NAALADL2: variants seen among roughly 807,000 people sequenced by gnomAD.
NAALADL2 encodes the protein inactive N-acetylated-alpha-linked acidic dipeptidase-like protein 2.
A neutral mutation model predicts 87.2 loss-of-function variants in NAALADL2; 76 were observed. The observed-to-expected ratio is 0.87, with a 90% CI of 0.72 to 1.05. NAALADL2 has a LOEUF of 1.05. NAALADL2 is among the 50% of genes least tolerant of loss of function. The pLI, the probability that NAALADL2 is intolerant of heterozygous loss-of-function variation, is 0.00. For synonymous variants in NAALADL2, 354 were observed against 331.0 expected, an observed-to-expected ratio of 1.07 and a Z score of -0.75; for missense variants, 1,089 against 945.8, an observed-to-expected ratio of 1.15 and a Z score of -1.99.
intron 1 of NAALADL2, among the ~76,000 whole-genome samples, chr3:174,859,902 A>G (rs967976477): frequency 1.3e-5 from 2 of 152,086 alleles, no homozygotes; most frequent in Non-Finnish European, 2.9e-5. Flanking sequence ...TGTAATTAAT[A>G]TAACCACTTT....
intron 10 of NAALADL2, among the ~76,000 whole-genome samples, chr3:175,619,622 T>C (rs1332923996): frequency 2.0e-5 from 3 of 152,058 alleles, no homozygotes; most frequent in African/African-American, 7.2e-5. Context: ...GAAACCACAT[T>C]GTTCTGAATT....
intron 1 of NAALADL2, among the ~76,000 whole-genome samples, chr3:175,024,783 A>G (rs1283146815): frequency 6.6e-6 from 1 of 152,068 alleles, no homozygotes; most frequent in Admixed American, 6.6e-5. Context: ...ACACCGTAGC[A>G]GAGGGTAGCA....
intron 1 of NAALADL2, among the ~76,000 whole-genome samples, chr3:174,500,375 A>G (rs997446757): frequency 7.9e-5 from 12 of 152,110 alleles, no homozygotes; most frequent in African/African-American, 2.9e-4. Context: ...GATCATTTAT[A>G]AACACAGTTT....
At chr3:174,771,533 G>T (rs1714554025) in intron 3 of NAALADL2, among the ~76,000 whole-genome samples, 1 of 152,192 alleles carries the variant, frequency 6.6e-6, no homozygotes, top group South Asian at 2.1e-4. Flanking sequence ...TATTGCTAAT[G>T]TGTCGGGTGC....
chr3:175,738,099 C>T (rs1382750041), intron 12 of NAALADL2, among the ~76,000 whole-genome samples: 1 of 152,122 alleles, frequency 6.6e-6, no homozygotes, highest in Non-Finnish European at 1.5e-5. Context: ...AGTCACACAT[C>T]TTCCTAACAG....
intron 11 of NAALADL2, among the ~76,000 whole-genome samples, chr3:175,653,272 T>C (rs1365832510): frequency 1.3e-5 from 2 of 152,160 alleles, no homozygotes; most frequent in African/African-American, 2.4e-5. Context: ...CAGTAATTTC[T>C]GACTTTTTTG....
At chr3:175,668,010 A>G (rs1436159284) in intron 11 of NAALADL2, among the ~76,000 whole-genome samples, 2 of 152,084 alleles carry the variant, frequency 1.3e-5, no homozygotes, top group Non-Finnish European at 2.9e-5. Flanking sequence ...ATCATCACAC[A>G]GCACTGATAG....
Position 175,335,988 on chromosome 3 carries a change from T to A in NAALADL2, c.1090+11663T>A, listed in dbSNP as rs182595717. On this transcript the variant is annotated intron_variant, in intron 5 of 13. Coordinates refer to ENST00000454872, the MANE Select transcript of NAALADL2 (RefSeq NM_207015.3). ...AACTTTCTTTCCCTGACACTGCTCA[T>A]TGAGTAATGAGCAGTGACACCACCT... Among the ~76,000 whole-genome samples the A allele has an allele frequency of 2.3e-4, 35 of 152,194 alleles. 1 individual carries two copies. The highest frequency in any genetic ancestry group is 7.7e-4 in the African/African-American group (32 of 41,542).
intron 2 of NAALADL2, among the ~76,000 whole-genome samples, chr3:175,218,656 G>A (rs1452720874): frequency 6.6e-6 from 1 of 151,710 alleles, no homozygotes; most frequent in Admixed American, 6.6e-5. Flanking sequence ...AATTTTAAAT[G>A]GAATCATTAA....
chr3:174,570,652 A>T (rs567741745), intron 2 of NAALADL2, among the ~76,000 whole-genome samples: 1 of 152,272 alleles, frequency 6.6e-6, no homozygotes, highest in South Asian at 2.1e-4. Context: ...CTTAAGGGTC[A>T]CAACTTTAAG....
intron 1 of NAALADL2, among the ~76,000 whole-genome samples, chr3:175,025,180 G>A (rs1269308063): frequency 1.3e-5 from 2 of 151,998 alleles, no homozygotes; most frequent in Non-Finnish European, 2.9e-5. Flanking sequence ...GAATAACAAT[G>A]TGTGAACTAA....
intron 1 of NAALADL2, among the ~76,000 whole-genome samples, chr3:174,860,595 T>C (rs4894689): frequency 0.13 from 20,079 of 152,040 alleles, 1,451 homozygotes; most frequent in African/African-American, 0.17. Context: ...GTTCCAATTG[T>C]GCATATGATA....
At chr3:175,210,079 A>T (rs987170393) in intron 2 of NAALADL2, among the ~76,000 whole-genome samples, 2 of 151,762 alleles carry the variant, frequency 1.3e-5, no homozygotes, top group Admixed American at 6.6e-5. Flanking sequence ...AATATGATGG[A>T]TATATGTAAT....
chr3:175,373,164 A>G (rs1766704403), intron 5 of NAALADL2, among the ~76,000 whole-genome samples: 2 of 152,198 alleles, frequency 1.3e-5, no homozygotes, highest in African/African-American at 4.8e-5. Flanking sequence ...TGTGAAACAT[A>G]TTGAGAAGTA....
chr3:174,723,755 CAAAAAAAA>C (rs10663395), intron 2 of NAALADL2, among the ~76,000 whole-genome samples: 2 of 27,554 alleles, frequency 7.3e-5, no homozygotes, highest in African/African-American at 3.9e-4. Context: ...GACTCCGTCT[CAAAAAAAA>C]AAAAAAAAAA....
intron 11 of NAALADL2, among the ~76,000 whole-genome samples, chr3:175,724,569 A>G (rs1287930216): frequency 6.6e-6 from 1 of 152,144 alleles, no homozygotes; most frequent in Non-Finnish European, 1.5e-5. Flanking sequence ...TTGCATTTAG[A>G]GCCAAGAAAG....
intron 1 of NAALADL2, among the ~76,000 whole-genome samples, chr3:174,988,615 G>A (rs1165799735): frequency 1.3e-5 from 2 of 152,128 alleles, no homozygotes; most frequent in African/African-American, 2.4e-5. Flanking sequence ...TATTCCCTCT[G>A]AAGGCACTAG....
chr3:174,679,893 TTTG>T (rs1391591433), intron 2 of NAALADL2, among the ~76,000 whole-genome samples: 1 of 152,200 alleles, frequency 6.6e-6, no homozygotes, highest in African/African-American at 2.4e-5. Context: ...TCAAAAATGT[TTTG>T]TTGAAATATG....
intron 1 of NAALADL2, among the ~76,000 whole-genome samples, chr3:175,048,317 T>C (rs995747423): frequency 1.3e-5 from 2 of 152,112 alleles, no homozygotes; most frequent in South Asian, 2.1e-4. Context: ...AAAATGGCTA[T>C]GTAGAAAGAA....
Sources: allele counts gnomAD v4.1 joint callset (sites outside exome capture counted in the v4.1 genomes callset), GRCh38; gene constraint gnomAD v4.1.1; transcripts MANE v1.5; gene names NCBI Gene and HGNC (gene_info 2026-07-23, HGNC 2026-07-21).